CRABP1: variants seen among roughly 807,000 people sequenced by gnomAD.
CRABP1 encodes cellular retinoic acid binding protein 1, also known as cellular retinoic acid-binding protein 1.
A neutral mutation model predicts 16.4 loss-of-function variants in CRABP1; 9 were observed. The observed-to-expected ratio is 0.55, with a 90% CI of 0.33 to 0.96. The LOEUF (loss-of-function observed/expected upper bound fraction) is 0.96. Ranked by LOEUF, CRABP1 falls within the 40% of genes least tolerant of loss-of-function variation. The probability of loss-of-function intolerance (pLI) is 0.03; values close to 1 mark genes in which losing one functional copy is unlikely to be tolerated. For synonymous variants in CRABP1, 72 were observed against 70.4 expected, an observed-to-expected ratio of 1.02 and a Z score of -0.11; for missense variants, 157 against 186.0, an observed-to-expected ratio of 0.84 and a Z score of 0.91.
rs1432323748 is a variant in CRABP1 at position 78,341,868 on chromosome 15, G to C, written c.249+647G>C. The C allele has an allele frequency of 1.3e-5, 2 of 153,684 alleles. No individual in the cohort carries two copies. The highest frequency in any genetic ancestry group is 2.9e-5 in the Non-Finnish European group (2 of 69,092). 9.5% of individuals were successfully genotyped at this position (153,684 alleles called of 1,614,324 possible). A position where few individuals can be genotyped will look rare whatever the true frequency, so the allele number is the denominator to read the frequency against. Reference sequence around the variant, plus strand: ...TGCATCGGCCCAGGGATGAACCGGTGGATTGAAGCAAGGGGTTGTACATTC... The same window carrying C: ...TGCATCGGCCCAGGGATGAACCGGTCGATTGAAGCAAGGGGTTGTACATTC... On this transcript the variant is annotated intron_variant, in intron 2 of 3. Transcript: ENST00000299529. This position sits in a 1 kb window ranked among gnomAD's most constrained non-coding sequence, Gnocchi z 5.3.
chr15:78,347,342 A>G (rs2050272288), intron 3 of CRABP1, among the ~76,000 whole-genome samples: 1 of 152,196 alleles, frequency 6.6e-6, no homozygotes, highest in Admixed American at 6.5e-5. Context: ...GCCAGCTGTG[A>G]GCTGCAGGGG....
Position 78,341,183 on chromosome 15 carries a change from G to A in CRABP1, c.211G>A (p.Gly71Ser), listed in dbSNP as rs2050231672. ...TGAGATCAACTTCAAGGTCGGAGAA[G>A]GCTTTGAGGAGGAGACCGTGGACGG... ...TTEINFKVGEGFEEETVDGRK... is the reference protein window; with the variant it reads ...TTEINFKVGESFEEETVDGRK... The change falls in exon 2 of 4, where the codon GGC becomes AGC. Residue 71 changes from glycine to serine, a missense_variant. Transcript: ENST00000299529. This position sits in a 1 kb window ranked among gnomAD's most constrained non-coding sequence, Gnocchi z 5.3. 2 of 1,612,634 alleles carry A rather than the reference G, an allele frequency of 1.2e-6. No homozygotes were observed. Among genetic ancestry groups the A allele is most frequent in the African/African-American group, 2.7e-5 (2 of 74,918 alleles).
intron 3 of CRABP1, among the ~76,000 whole-genome samples, chr15:78,347,279 C>A (rs2050271820): frequency 1.3e-5 from 2 of 152,194 alleles, no homozygotes; most frequent in South Asian, 4.1e-4. Context: ...CCAGCCCCTG[C>A]CTGCCCCTTT....
chr15:78,344,547 A>G (rs1012883153), intron 3 of CRABP1, among the ~76,000 whole-genome samples: 1 of 152,122 alleles, frequency 6.6e-6, no homozygotes, highest in Admixed American at 6.5e-5. Flanking sequence ...AGAAACCTCT[A>G]TAATTTAAGC....
chr15:78,344,456 TAA>T lies in CRABP1; in HGVS notation c.363+855_363+856del, dbSNP rs11364387. Reference sequence around the variant, plus strand: ...GCCTGGGCGACAGAGACTCTGTCTCTAAAAAAAAAAAAGTATTCAGACGAAAA... The same window carrying T: ...GCCTGGGCGACAGAGACTCTGTCTCTAAAAAAAAAAGTATTCAGACGAAAA... On this transcript the variant is annotated intron_variant, in intron 3 of 3. Coordinates refer to ENST00000299529, the MANE Select transcript of CRABP1 (RefSeq NM_004378.3). Among the ~76,000 whole-genome samples the T allele has an allele frequency of 3.0e-3, 446 of 148,152 alleles. 3 individuals are homozygous for T. Among genetic ancestry groups the T allele is most frequent in the South Asian group, 0.019 (90 of 4,664 alleles).
In CRABP1 at chr15:78,343,213, A is replaced by G. The variant is rs1417946694; in HGVS notation, c.250-286A>G. Among the ~76,000 whole-genome samples the G allele has an allele frequency of 2.6e-5, 4 of 152,320 alleles. 1 individual carries two copies. The highest frequency in any genetic ancestry group is 9.6e-5 in the African/African-American group (4 of 41,574). On this transcript the variant is annotated intron_variant, in intron 2 of 3. Coordinates refer to ENST00000299529, the MANE Select transcript of CRABP1 (RefSeq NM_004378.3). ...ATTTCATGCTCTAAATTTTATTCCT[A>G]GAGATGTAAAGCATGCCTAAGGCCT...
At position 78,341,410 on chromosome 15, in the gene CRABP1, T is replaced by C. The variant is rs2050233819; in HGVS notation, c.249+189T>C. On this transcript the variant is annotated intron_variant, in intron 2 of 3. Coordinates refer to ENST00000299529, the MANE Select transcript of CRABP1 (RefSeq NM_004378.3). This position sits in a 1 kb window ranked among gnomAD's most constrained non-coding sequence, Gnocchi z 5.3. ...CCTGGCTCAAGACAAAGTATTACCTTCATTCCATCTCAACCCCATCCCTAC... is the reference window on the plus strand; with the variant it reads ...CCTGGCTCAAGACAAAGTATTACCTCCATTCCATCTCAACCCCATCCCTAC... 6.1e-6 allele frequency: 4 copies of C among 657,342 alleles called. No homozygotes were observed. The South Asian group carries it at 7.1e-5, about 12-fold the overall frequency. The allele number at this position is 657,342 out of a possible 1,614,324, so 40.7% of individuals were successfully genotyped here.
In CRABP1 at chr15:78,341,914, T is replaced by C. The variant is rs1206224395; in HGVS notation, c.249+693T>C. Among the ~76,000 whole-genome samples, 1 of 152,056 alleles carries C rather than the reference T, an allele frequency of 6.6e-6. No homozygotes were observed. The highest frequency in any genetic ancestry group is 6.6e-5 in the Admixed American group (1 of 15,262). ...CATTCGTTTTTTGCATGGGCAAAAA[T>C]TGCATTTGGTTAACCAGATGGAAAA... On this transcript the variant is annotated intron_variant, in intron 2 of 3. Coordinates refer to ENST00000299529, the MANE Select transcript of CRABP1 (RefSeq NM_004378.3). The surrounding 1 kb of genome is among the most constrained non-coding windows in gnomAD (Gnocchi z 5.3).
Position 78,348,135 on chromosome 15 carries a change from C to T in CRABP1, c.*158C>T, listed in dbSNP as rs1254048804. Reference sequence around the variant, plus strand: ...GTTGTAGTGTCCCCCACCCCCACCCCCCAGGCCTTGGTGCCTCTTGTATCC... The same window carrying T: ...GTTGTAGTGTCCCCCACCCCCACCCTCCAGGCCTTGGTGCCTCTTGTATCC... On this transcript the variant is annotated 3_prime_UTR_variant, in exon 4 of 4. Coordinates refer to ENST00000299529, the MANE Select transcript of CRABP1 (RefSeq NM_004378.3). 8.9e-6 allele frequency: 6 copies of T among 673,046 alleles called. No homozygotes were observed. The highest frequency in any genetic ancestry group is 1.5e-5 in the Non-Finnish European group (6 of 394,746). The allele number at this position is 673,046 out of a possible 1,614,324, so 41.7% of individuals were successfully genotyped here. A position where few individuals can be genotyped will look rare whatever the true frequency, so the allele number is the denominator to read the frequency against.
Position 78,341,411 on chromosome 15 carries a change from C to A in CRABP1, c.249+190C>A. On this transcript the variant is annotated intron_variant, in intron 2 of 3. Coordinates refer to ENST00000299529, the MANE Select transcript of CRABP1 (RefSeq NM_004378.3). This position sits in a 1 kb window ranked among gnomAD's most constrained non-coding sequence, Gnocchi z 5.3. ...CTGGCTCAAGACAAAGTATTACCTT[C>A]ATTCCATCTCAACCCCATCCCTACG... 1.5e-6 allele frequency: 1 copy of A among 657,744 alleles called. No individual in the cohort carries two copies. Among genetic ancestry groups the A allele is most frequent in the Non-Finnish European group, 2.7e-6 (1 of 363,762 alleles). 40.7% of individuals were successfully genotyped at this position (657,744 alleles called of 1,614,324 possible).
In CRABP1 at chr15:78,348,189, G is replaced by T; in HGVS notation, c.*212G>T. 6.9e-6 allele frequency: 4 copies of T among 576,916 alleles called. No homozygotes were observed. Among genetic ancestry groups the T allele is most frequent in the Non-Finnish European group, 1.2e-5 (4 of 326,418 alleles). The allele number at this position is 576,916 out of a possible 1,614,324, so 35.7% of individuals were successfully genotyped here. On this transcript the variant is annotated 3_prime_UTR_variant, in exon 4 of 4. Coordinates refer to ENST00000299529, the MANE Select transcript of CRABP1 (RefSeq NM_004378.3). Reference sequence around the variant, plus strand: ...GTGCTCCATAGTTTGGCATTTGCACGGTTTCGAAGTCATTAAACTGGTTAG... The same window carrying T: ...GTGCTCCATAGTTTGGCATTTGCACTGTTTCGAAGTCATTAAACTGGTTAG...
chr15:78,347,133 C>T (rs1284280810), intron 3 of CRABP1, among the ~76,000 whole-genome samples: 1 of 151,926 alleles, frequency 6.6e-6, no homozygotes, highest in Non-Finnish European at 1.5e-5. Flanking sequence ...ATTTCAGGGG[C>T]CAGCAGAAAA....
rs2050234422 is a variant in CRABP1, at chr15:78,341,465, T to G, written c.249+244T>G. 7.8e-6 allele frequency: 4 copies of G among 510,856 alleles called. No homozygotes were observed. The highest frequency in any genetic ancestry group is 6.0e-5 in the South Asian group (3 of 49,642). 31.6% of individuals were successfully genotyped at this position (510,856 alleles called of 1,614,324 possible). On this transcript the variant is annotated intron_variant, in intron 2 of 3. Coordinates refer to ENST00000299529, the MANE Select transcript of CRABP1 (RefSeq NM_004378.3). This position sits in a 1 kb window ranked among gnomAD's most constrained non-coding sequence, Gnocchi z 5.3. ...CCTCCCGGGGTGCTAACAGCCGCGC[T>G]TAAAGAGCGGGCTCTGGGTTGCGCC...
intron 3 of CRABP1, among the ~76,000 whole-genome samples, chr15:78,346,268 C>T (rs541226445): frequency 3.1e-4 from 47 of 152,296 alleles, no homozygotes; most frequent in South Asian, 8.3e-4. Flanking sequence ...CCCCACACCC[C>T]CTAGCATGCA....
chr15:78,344,566 C>T (rs1228221646), intron 3 of CRABP1, among the ~76,000 whole-genome samples: 5 of 152,108 alleles, frequency 3.3e-5, no homozygotes, highest in Admixed American at 1.3e-4. Flanking sequence ...GCACACACTT[C>T]CTCCCCTTTT....
chr15:78,348,052 C>A lies in CRABP1; in HGVS notation c.*75C>A. On this transcript the variant is annotated 3_prime_UTR_variant, in exon 4 of 4. Transcript: ENST00000299529. Reference sequence around the variant, plus strand: ...GGAATATGTCATAGTTCTGAGCTGCCAGTGGACCGCCCTTTTCCCCTACCA... The same window carrying A: ...GGAATATGTCATAGTTCTGAGCTGCAAGTGGACCGCCCTTTTCCCCTACCA... The A allele has an allele frequency of 7.1e-7, 1 of 1,403,604 alleles. No individual in the cohort carries two copies. Among genetic ancestry groups the A allele is most frequent in the Non-Finnish European group, 1.0e-6 (1 of 999,506 alleles). 86.9% of individuals were successfully genotyped at this position (1,403,604 alleles called of 1,614,324 possible). A position where few individuals can be genotyped will look rare whatever the true frequency, so the allele number is the denominator to read the frequency against.
In CRABP1 at chr15:78,344,185, C is replaced by T. The variant is rs192401364; in HGVS notation, c.363+573C>T. Among the ~76,000 whole-genome samples the T allele has an allele frequency of 4.2e-3, 640 of 152,244 alleles. 10 individuals carry two copies. Among genetic ancestry groups the T allele is most frequent in the African/African-American group, 0.015 (611 of 41,536 alleles). ...CCCCTGTAGAACTAAAAAAGATAGG[C>T]TTTTCCTTAAAAGTATTCAGATCCC... On this transcript the variant is annotated intron_variant, in intron 3 of 3. Transcript: ENST00000299529.
rs746032934 is a variant in CRABP1 at position 78,341,155 on chromosome 15, C to T, written c.183C>T (p.Thr61=). ...TCAAGACATCCACCACGGTGCGCAC[C>T]ACTGAGATCAACTTCAAGGTCGGAG... ...FYIKTSTTVR[T]TEINFKVGEG... is the part of the protein sequence containing the mutation. Residue 61 remains threonine (T), a synonymous_variant, in exon 2 of 4, where the codon ACC becomes ACT. Coordinates refer to ENST00000299529, the MANE Select transcript of CRABP1 (RefSeq NM_004378.3). The surrounding 1 kb of genome is among the most constrained non-coding windows in gnomAD (Gnocchi z 5.3). The T allele has an allele frequency of 2.5e-5, 41 of 1,612,834 alleles. No homozygotes were observed. Among genetic ancestry groups the T allele is most frequent in the Non-Finnish European group, 3.4e-5 (40 of 1,179,590 alleles).
At chr15:78,347,886 G>C (rs376592533) in intron 3 of CRABP1, 41 bp from the exon 4 acceptor site, 5 of 1,601,320 alleles carry the variant, frequency 3.1e-6, no homozygotes, top group Non-Finnish European at 4.3e-6. Context: ...TTTTGCACAG[G>C]CATCTGCACT....
Sources: allele counts gnomAD v4.1 joint callset (sites outside exome capture counted in the v4.1 genomes callset), GRCh38; gene constraint gnomAD v4.1.1; non-coding constraint Gnocchi (gnomAD v3.1); transcripts MANE v1.5; gene names NCBI Gene and HGNC (gene_info 2026-07-23, HGNC 2026-07-21).